ARRDC4: variants seen among roughly 807,000 people sequenced by gnomAD.
ARRDC4 encodes the protein arrestin domain-containing protein 4.
ARRDC4 carries 40 observed loss-of-function variants against 44.6 expected under a neutral mutation model. The observed-to-expected ratio is 0.90, with a 90% CI of 0.70 to 1.17. The LOEUF (loss-of-function observed/expected upper bound fraction) is 1.17, where lower values mean the gene tolerates loss of function less well. Ranked by LOEUF, ARRDC4 falls within the 50% of genes most tolerant of loss-of-function variation. ARRDC4 has a pLI of 0.00. For synonymous variants in ARRDC4, 211 were observed against 221.2 expected (o/e 0.95, Z 0.41); for missense variants, 550 against 559.1 (o/e 0.98, Z 0.16).
chr15:97,969,101 C>T (rs766027535), intron 4 of ARRDC4, 22 bp from the exon 5 acceptor site: 3 of 1,607,610 alleles, frequency 1.9e-6, no homozygotes, highest in Admixed American at 1.7e-5. Flanking sequence ...CTGAATCCTC[C>T]CTGGTTTTGT....
At chr15:97,969,030 T>G in intron 4 of ARRDC4, 93 bp from the exon 5 acceptor site, 7 of 1,289,876 alleles carry the variant, frequency 5.4e-6, no homozygotes, top group Non-Finnish European at 6.4e-6. Flanking sequence ...GTTAAAGTGA[T>G]GTTGGAACAT....
chr15:97,965,681 A>C lies in ARRDC4; in HGVS notation c.374+15A>C. ...CTTCCATCTGAGTAAGTGAAACACT[A>C]CAATTTTGTGGTTATCCTTCTCTGC... On this transcript the variant is annotated intron_variant, in intron 2 of 7. Coordinates refer to ENST00000268042, the MANE Select transcript of ARRDC4 (RefSeq NM_183376.3). This position sits in a 1 kb window ranked among gnomAD's most constrained non-coding sequence, Gnocchi z 5.1. 6.2e-7 allele frequency: 1 copy of C among 1,609,782 alleles called. No homozygotes were observed. The highest frequency in any genetic ancestry group is 1.1e-5 in the South Asian group (1 of 90,962).
At chr15:97,971,078 A>AATCGTTT in intron 7 of ARRDC4, 53 bp from the exon 8 acceptor site, 16 of 1,564,908 alleles carry the variant, frequency 1.0e-5, no homozygotes, top group Non-Finnish European at 1.4e-5. Context: ...TAGGTACTAG[A>AATCGTTT]ATCGTTTTAA....
At position 97,965,902 on chromosome 15, in the gene ARRDC4, G is replaced by A; in HGVS notation, c.382G>A (p.Val128Ile). ...GTCTTTGGTTGGTTTCAGACCTTTG[G>A]TCACCTCGTTTACTGGGAAATATGG... ...FRFQLPSEPL[V>I]TSFTGKYGSI... is the part of the protein sequence containing the mutation. Residue 128 changes from valine (V) to isoleucine (I), a missense_variant, in exon 3 of 8, where the codon GTC becomes ATC. Val to Ile is a conservative substitution (Grantham distance 29). Transcript: ENST00000268042. The surrounding 1 kb of genome is among the most constrained non-coding windows in gnomAD (Gnocchi z 5.1). 1 of 1,613,762 alleles carries A rather than the reference G, an allele frequency of 6.2e-7. No individual in the cohort carries two copies. The highest frequency in any genetic ancestry group is 8.5e-7 in the Non-Finnish European group (1 of 1,179,944).
Position 97,965,431 on chromosome 15 carries a change from G to A in ARRDC4, c.308-169G>A, listed in dbSNP as rs28380454. On this transcript the variant is annotated intron_variant, in intron 1 of 7. Transcript: ENST00000268042. This position sits in a 1 kb window ranked among gnomAD's most constrained non-coding sequence, Gnocchi z 5.1. The stretch of plus-strand genomic sequence containing the variant: ...CTGTCTCTAAAACACATAGACACAC[G>A]CACACACACCCCCCTTCAAACTTAA... 0.52 allele frequency among the ~76,000 whole-genome samples: 78,057 copies of A among 151,212 alleles called. 20,176 individuals are homozygous for A. Among genetic ancestry groups the A allele is most frequent in the South Asian group, 0.66 (3,137 of 4,788 alleles).
Position 97,973,765 on chromosome 15 carries a change from A to G in ARRDC4, c.*2578A>G, listed in dbSNP as rs995387826. 1.5e-5 allele frequency: 2 copies of G among 136,394 alleles called. No individual in the cohort carries two copies. The highest frequency in any genetic ancestry group is 3.4e-5 in the Non-Finnish European group (2 of 59,182). The allele number at this position is 136,394 out of a possible 1,614,324, so 8.4% of individuals were successfully genotyped here. A position where few individuals can be genotyped will look rare whatever the true frequency, so the allele number is the denominator to read the frequency against. ...AAAATGTAACAATTTAACCCACAGG[A>G]AAAAAAATTACTTTGTATGCTTGTT... On this transcript the variant is annotated 3_prime_UTR_variant, in exon 8 of 8. Coordinates refer to ENST00000268042, the MANE Select transcript of ARRDC4 (RefSeq NM_183376.3).
intron 7 of ARRDC4, 23 bp from the exon 8 acceptor site, chr15:97,971,108 C>T (rs781312969): frequency 6.2e-7 from 1 of 1,611,656 alleles, no homozygotes; most frequent in South Asian, 1.1e-5. Context: ...CAACACTAAT[C>T]TCAGTCCGCT....
chr15:97,968,153 C>T lies in ARRDC4; in HGVS notation c.625+37C>T. Reference sequence around the variant, plus strand: ...GCTTGAAAGTCCAAATGAAAGATTTCATTCATTTTCTTAGCTAATTTTAAG... The same window carrying T: ...GCTTGAAAGTCCAAATGAAAGATTTTATTCATTTTCTTAGCTAATTTTAAG... On this transcript the variant is annotated intron_variant, in intron 4 of 7. Coordinates refer to ENST00000268042, the MANE Select transcript of ARRDC4 (RefSeq NM_183376.3). The surrounding 1 kb of genome is among the most constrained non-coding windows in gnomAD (Gnocchi z 5.4). 1 of 1,346,292 alleles carries T rather than the reference C, an allele frequency of 7.4e-7. No homozygotes were observed. Among genetic ancestry groups the T allele is most frequent in the Non-Finnish European group, 1.0e-6 (1 of 980,104 alleles). The allele number at this position is 1,346,292 out of a possible 1,614,324, so 83.4% of individuals were successfully genotyped here.
Position 97,968,681 on chromosome 15 carries a change from AATCC to A in ARRDC4, c.626-437_626-434del. Among the ~76,000 whole-genome samples the A allele has an allele frequency of 6.6e-6, 1 of 152,216 alleles. No homozygotes were observed. Among genetic ancestry groups the A allele is most frequent in the Non-Finnish European group, 1.5e-5 (1 of 68,032 alleles). ...AGCCATAATGTTATAAAACTTGCCT[AATCC>A]ATCCGTTGATTCTTTCTGTGCCTTA... On this transcript the variant is annotated intron_variant, in intron 4 of 7. Coordinates refer to ENST00000268042, the MANE Select transcript of ARRDC4 (RefSeq NM_183376.3). The surrounding 1 kb of genome is among the most constrained non-coding windows in gnomAD (Gnocchi z 5.4).
rs971373612 is a variant in ARRDC4, at chr15:97,966,749, C to T, written c.522+707C>T. 3.3e-5 allele frequency among the ~76,000 whole-genome samples: 5 copies of T among 152,114 alleles called. No individual in the cohort carries two copies. Among genetic ancestry groups the T allele is most frequent in the Non-Finnish European group, 7.4e-5 (5 of 68,022 alleles). ...ATTATCAAAATAATATAAAATTATA[C>T]CTTGTACTTTCATGATAGCTACTAG... On this transcript the variant is annotated intron_variant, in intron 3 of 7. Coordinates refer to ENST00000268042, the MANE Select transcript of ARRDC4 (RefSeq NM_183376.3). The surrounding 1 kb of genome is among the most constrained non-coding windows in gnomAD (Gnocchi z 4.7).
At chr15:97,961,199 C>G (rs1400798068) in intron 1 of ARRDC4, 31 bp downstream of exon 1, 5 of 1,371,784 alleles carry the variant, frequency 3.6e-6, no homozygotes, top group East Asian at 3.1e-5. Context: ...GGGGTTCCCC[C>G]GCCAGGCTGC....
chr15:97,971,058 T>C, intron 7 of ARRDC4, 73 bp from the exon 8 acceptor site: 3 of 1,502,968 alleles, frequency 2.0e-6, no homozygotes, highest in East Asian at 2.3e-5. Context: ...AACCATCATA[T>C]AATTACAAAT....
At chr15:97,963,227 A>T (rs1157785870) in intron 1 of ARRDC4, among the ~76,000 whole-genome samples, 1 of 152,216 alleles carries the variant, frequency 6.6e-6, no homozygotes, top group Non-Finnish European at 1.5e-5. Context: ...GTGACTTTGT[A>T]GTGCTCAGTA....
In ARRDC4 at chr15:97,965,974, C is replaced by A; in HGVS notation, c.454C>A (p.Pro152Thr). Reference protein sequence around the residue: ...VRAVLERPKVPDQSVKRELQV... With the variant: ...VRAVLERPKVTDQSVKRELQV... ...GGCAGTGTTGGAACGACCCAAGGTACCTGATCAGAGTGTAAAGCGGGAACT... is the reference window on the plus strand; with the variant it reads ...GGCAGTGTTGGAACGACCCAAGGTAACTGATCAGAGTGTAAAGCGGGAACT... Residue 152 changes from proline (P) to threonine (T), a missense_variant, in exon 3 of 8, where the codon CCT becomes ACT. By Grantham distance (38) the Pro-to-Thr change is conservative. Transcript: ENST00000268042. The surrounding 1 kb of genome is among the most constrained non-coding windows in gnomAD (Gnocchi z 5.1). The A allele has an allele frequency of 6.2e-7, 1 of 1,614,122 alleles. No homozygotes were observed. The highest frequency in any genetic ancestry group is 8.5e-7 in the Non-Finnish European group (1 of 1,180,006).
Position 97,969,939 on chromosome 15 carries a change from C to A in ARRDC4, c.939C>A (p.Ile313=), listed in dbSNP as rs61741967. ...KKLMLELPLV[I]GTIPYNGFGS... ...TGATGCTCGAACTGCCATTAGTGAT[C>A]GGTACAATTCCATATAATGGTTTTG... Residue 313 remains isoleucine, a synonymous_variant, in exon 6 of 8, where the codon ATC becomes ATA. Coordinates refer to ENST00000268042, the MANE Select transcript of ARRDC4 (RefSeq NM_183376.3). 4.4e-6 allele frequency: 7 copies of A among 1,607,468 alleles called. No individual in the cohort carries two copies. The African/African-American group carries it at 5.4e-5, about 12-fold the overall frequency.
rs1011892922 is a variant in ARRDC4, at chr15:97,971,477, C to T, written c.*290C>T. Reference sequence around the variant, plus strand: ...GGTTACAGAGTAAGTGAAAGGGTGCCTGCGCTGACGTGAGAGAAAGGAATC... The same window carrying T: ...GGTTACAGAGTAAGTGAAAGGGTGCTTGCGCTGACGTGAGAGAAAGGAATC... On this transcript the variant is annotated 3_prime_UTR_variant, in exon 8 of 8. Transcript: ENST00000268042. 2.6e-5 allele frequency: 10 copies of T among 387,712 alleles called. No homozygotes were observed. The highest frequency in any genetic ancestry group is 2.3e-4 in the South Asian group (9 of 38,400). 24.0% of individuals were successfully genotyped at this position (387,712 alleles called of 1,614,324 possible).
chr15:97,967,223 G>A lies in ARRDC4; in HGVS notation c.523-791G>A, dbSNP rs1899432469. ...TTTTAAAGTTTTTATGACCATTGTG[G>A]GAATTGATTTAAAGGGATTTGTCTT... On this transcript the variant is annotated intron_variant, in intron 3 of 7. Coordinates refer to ENST00000268042, the MANE Select transcript of ARRDC4 (RefSeq NM_183376.3). This position sits in a 1 kb window ranked among gnomAD's most constrained non-coding sequence, Gnocchi z 5.0. 6.6e-6 allele frequency among the ~76,000 whole-genome samples: 1 copy of A among 152,064 alleles called. No homozygotes were observed. Among genetic ancestry groups the A allele is most frequent in the South Asian group, 2.1e-4 (1 of 4,830 alleles).
At position 97,966,140 on chromosome 15, in the gene ARRDC4, A is replaced by G; in HGVS notation, c.522+98A>G. On this transcript the variant is annotated intron_variant, in intron 3 of 7. Transcript: ENST00000268042. The surrounding 1 kb of genome is among the most constrained non-coding windows in gnomAD (Gnocchi z 4.7). ...ATCTATATTTAGCCAGTTTACTGGT[A>G]GTCTGTCCTGTCACTTTCTGATGGC... 7.3e-7 allele frequency: 1 copy of G among 1,364,058 alleles called. No individual in the cohort carries two copies. Among genetic ancestry groups the G allele is most frequent in the Non-Finnish European group, 1.0e-6 (1 of 995,180 alleles). 84.5% of individuals were successfully genotyped at this position (1,364,058 alleles called of 1,614,324 possible).
rs1899428698 is a variant in ARRDC4 at position 97,967,029 on chromosome 15, T to G, written c.523-985T>G. Among the ~76,000 whole-genome samples, 1 of 152,236 alleles carries G rather than the reference T, an allele frequency of 6.6e-6. No homozygotes were observed. The highest frequency in any genetic ancestry group is 6.5e-5 in the Admixed American group (1 of 15,286). On this transcript the variant is annotated intron_variant, in intron 3 of 7. Coordinates refer to ENST00000268042, the MANE Select transcript of ARRDC4 (RefSeq NM_183376.3). The surrounding 1 kb of genome is among the most constrained non-coding windows in gnomAD (Gnocchi z 5.0). ...TTAGATTATGAAAAGATAGCAGATA[T>G]GCTGTGGTTCCATGGCCTCTTGTGG...
Sources: gnomAD v4.1 joint callset for allele counts (sites outside exome capture counted in the v4.1 genomes callset) on GRCh38, gnomAD v4.1.1 for gene constraint, Gnocchi (gnomAD v3.1) non-coding constraint, MANE v1.5 for transcripts, NCBI Gene and HGNC (gene_info 2026-07-23, HGNC 2026-07-21) for gene names.